The following PHTF2 variants were observed in gnomAD, a reference collection of about 807,000 sequenced individuals.
The protein encoded by PHTF2 is protein PHTF2.
A neutral mutation model predicts 101.2 loss-of-function variants in PHTF2; 60 were observed. The observed-to-expected ratio is 0.59, with a 90% CI of 0.48 to 0.73. The LOEUF (loss-of-function observed/expected upper bound fraction) is 0.73, where lower values mean the gene tolerates loss of function less well. Among genes scored for constraint, PHTF2 ranks in the 30% least tolerant of loss-of-function variants. The pLI, the probability that PHTF2 is intolerant of heterozygous loss-of-function variation, is 0.00. For synonymous variants in PHTF2, 311 were observed against 307.3 expected (o/e 1.01, Z -0.13); for missense variants, 747 against 908.7 (o/e 0.82, Z 2.29).
At chr7:77,806,505 A>AT (rs1212793226) in intron 1 of PHTF2, among the ~76,000 whole-genome samples, 2 of 151,924 alleles carry the variant, frequency 1.3e-5, no homozygotes, top group Non-Finnish European at 2.9e-5. Context: ...TTAACATGAT[A>AT]TTTTTTTCCA....
chr7:77,910,549 A>G lies in PHTF2; in HGVS notation c.776+140A>G, dbSNP rs144874803. On this transcript the variant is annotated intron_variant, in intron 9 of 19. Coordinates refer to ENST00000416283, the Ensembl canonical transcript of PHTF2. ...TTTTGTTTTGATAAATTATAATAGTATAGATAATGGAAAAATAGACACTGT... is the reference window on the plus strand; with the variant it reads ...TTTTGTTTTGATAAATTATAATAGTGTAGATAATGGAAAAATAGACACTGT... The G allele has an allele frequency of 1.1e-5, 7 of 623,070 alleles. No homozygotes were observed. In the East Asian group the frequency reaches 2.0e-4, roughly 18 times the overall value. 38.6% of individuals were successfully genotyped at this position (623,070 alleles called of 1,614,324 possible).
intron 1 of PHTF2, among the ~76,000 whole-genome samples, chr7:77,816,469 A>G (rs1793864723): frequency 6.6e-6 from 1 of 152,196 alleles, no homozygotes; most frequent in Non-Finnish European, 1.5e-5. Context: ...TATTTTAAAA[A>G]ACTACTTTTA....
In PHTF2 at chr7:77,945,738, T is replaced by G. The variant is rs115800816; in HGVS notation, c.1959+2952T>G. Among the ~76,000 whole-genome samples, 895 of 152,232 alleles carry G rather than the reference T, an allele frequency of 5.9e-3. 6 individuals are homozygous for G. The highest frequency in any genetic ancestry group is 0.021 in the African/African-American group (856 of 41,540). ...AAAGTTGAAGGCATCAGTGGCCAAT[T>G]TTATAGAAATGCATAATCTATTAAA... On this transcript the variant is annotated intron_variant, in intron 16 of 19. Transcript: ENST00000416283.
intron 7 of PHTF2, 98 bp downstream of exon 6, chr7:77,902,018 G>A: frequency 1.9e-6 from 1 of 534,090 alleles, no homozygotes; most frequent in South Asian, 6.6e-5. Context: ...TACTGAGTAT[G>A]ATGTATAAGT....
chr7:77,800,560 C>CT (rs146527671), intron 1 of PHTF2, among the ~76,000 whole-genome samples: 6 of 152,112 alleles, frequency 3.9e-5, no homozygotes, highest in Non-Finnish European at 7.4e-5. Context: ...CAAGAGTAAA[C>CT]TTTTTTTGAG....
chr7:77,949,822 C>A, exon 17 of PHTF2: 1 of 1,493,698 alleles, frequency 6.7e-7, no homozygotes, highest in Middle Eastern at 2.2e-4. Context: ...CTCAATATTA[C>A]TTACTGAACA....
intron 3 of PHTF2, among the ~76,000 whole-genome samples, chr7:77,862,914 G>C (rs914809381): frequency 6.6e-6 from 1 of 152,186 alleles, no homozygotes; most frequent in African/African-American, 2.4e-5. Flanking sequence ...TATGTTTACA[G>C]TTCTACAAAG....
At chr7:77,950,995 T>C (rs1806487711) in intron 17 of PHTF2, among the ~76,000 whole-genome samples, 1 of 152,202 alleles carries the variant, frequency 6.6e-6, no homozygotes, top group Admixed American at 6.5e-5. Flanking sequence ...AAAGGTGAGA[T>C]CAAATGGGGA....
rs145196766 is a variant in PHTF2, at chr7:77,930,773, C to T, written c.1338+1446C>T. 1.7e-3 allele frequency among the ~76,000 whole-genome samples: 252 copies of T among 152,260 alleles called. 1 individual carries two copies. The highest frequency in any genetic ancestry group is 0.01 in the Middle Eastern group (3 of 294). ...GCTATCTTATCCTTGTATCCTTACA[C>T]GGTGGAAATAAGGGAGCTCTGGTCT... On this transcript the variant is annotated intron_variant, in intron 12 of 19. Coordinates refer to ENST00000416283, the Ensembl canonical transcript of PHTF2.
At chr7:77,859,570 T>A (rs1797458312) in intron 3 of PHTF2, among the ~76,000 whole-genome samples, 1 of 151,062 alleles carries the variant, frequency 6.6e-6, no homozygotes, top group African/African-American at 2.4e-5. Flanking sequence ...TCTTCTTTTT[T>A]TTTTTTTTTT....
At chr7:77,922,815 T>C in intron 11 of PHTF2, 37 bp downstream of exon 10, 1 of 1,347,704 alleles carries the variant, frequency 7.4e-7, no homozygotes. Flanking sequence ...CATACGTATC[T>C]ATTTTATATG....
At chr7:77,873,820 A>T (rs57581842) in intron 3 of PHTF2, among the ~76,000 whole-genome samples, 1 of 152,314 alleles carries the variant, frequency 6.6e-6, no homozygotes, top group East Asian at 1.9e-4. Flanking sequence ...CCCTCACTTT[A>T]ACAGTAGACA....
chr7:77,946,007 G>A (rs1430022207), intron 16 of PHTF2, among the ~76,000 whole-genome samples: 1 of 152,112 alleles, frequency 6.6e-6, no homozygotes, highest in Non-Finnish European at 1.5e-5. Context: ...GTACCATAGA[G>A]CTAGTATGAA....
chr7:77,838,720 T>C (rs913581750), intron 1 of PHTF2, among the ~76,000 whole-genome samples: 1 of 152,156 alleles, frequency 6.6e-6, no homozygotes, highest in African/African-American at 2.4e-5. Flanking sequence ...ACATAATAGA[T>C]AGTAGAGCTA....
intron 16 of PHTF2, among the ~76,000 whole-genome samples, chr7:77,948,742 C>G (rs1182811819): frequency 6.6e-6 from 1 of 152,116 alleles, no homozygotes; most frequent in African/African-American, 2.4e-5. Context: ...GAGAACACGT[C>G]ACGCCCATTA....
intron 7 of PHTF2, 115 bp downstream of exon 6, chr7:77,902,035 A>G: frequency 2.2e-6 from 1 of 444,522 alleles, no homozygotes; most frequent in Non-Finnish European, 3.9e-6. Flanking sequence ...AAGTATGTTA[A>G]TAAAGGCACA....
At chr7:77,957,309 G>A (rs1807040277) in exon 20 of PHTF2, 2 of 151,642 alleles carry the variant, frequency 1.3e-5, no homozygotes, top group Admixed American at 1.3e-4. Flanking sequence ...AGTTAGATTT[G>A]GGGGGAGTGA....
intron 11 of PHTF2, 136 bp downstream of exon 10, chr7:77,922,914 T>C: frequency 7.6e-7 from 1 of 1,311,660 alleles, no homozygotes; most frequent in Non-Finnish European, 1.0e-6. Flanking sequence ...TTGTATGATC[T>C]GGATTTATAA....
At chr7:77,806,512 TC>T (rs948606705) in intron 1 of PHTF2, among the ~76,000 whole-genome samples, 2 of 152,186 alleles carry the variant, frequency 1.3e-5, no homozygotes, top group African/African-American at 4.8e-5. Context: ...GATATTTTTT[TC>T]CATCTTTTTA....
Sources: gnomAD v4.1 joint callset for allele counts (sites outside exome capture counted in the v4.1 genomes callset) on GRCh38, gnomAD v4.1.1 for gene constraint, MANE v1.5 for transcripts, NCBI Gene and HGNC (gene_info 2026-07-23, HGNC 2026-07-21) for gene names.